Variants in UBXN4 observed in about 807,000 individuals in gnomAD.
UBXN4 encodes the protein UBX domain-containing protein 4.
In UBXN4, 35 loss-of-function variants were observed where a neutral mutation model predicts 66.2. That is an observed-to-expected ratio of 0.53 (90% CI 0.40 to 0.70). UBXN4 has a LOEUF of 0.70. Ranked by LOEUF, UBXN4 falls within the 30% of genes least tolerant of loss-of-function variation. UBXN4 has a pLI of 0.00. For synonymous variants in UBXN4, 203 were observed against 204.5 expected (o/e 0.99, Z 0.06); for missense variants, 533 against 599.8 (o/e 0.89, Z 1.16).
chr2:135,780,157 A>T, intron 11 of UBXN4, 26 bp from the exon 12 acceptor site: 1 of 1,610,680 alleles, frequency 6.2e-7, no homozygotes, highest in Non-Finnish European at 8.5e-7. Context: ...CGTAGTCTTT[A>T]TCTAGGTTTG....
intron 3 of UBXN4, chr2:135,753,859 C>A: frequency 2.2e-6 from 1 of 446,636 alleles, no homozygotes; most frequent in East Asian, 4.0e-5. Context: ...CAATATAGAT[C>A]AGTTGGGTTG....
Position 135,769,807 on chromosome 2 carries a change from G to T in UBXN4, c.641G>T (p.Arg214Ile). Residue 214 changes from arginine to isoleucine, a missense_variant, in exon 7 of 13, where the codon AGA (arginine) becomes ATA (isoleucine). Arg to Ile is a moderately conservative substitution (Grantham distance 97). Around this residue, in one of 2 missense-constraint regions of UBXN4, gnomAD observed 529 missense variants for 580.1 expected, o/e 0.91. Coordinates refer to ENST00000272638, the MANE Select transcript of UBXN4 (RefSeq NM_014607.4). ...CTTGAAGAAAGGAGAGAAGAGAAAA[G>T]AAAAGAGGAAGAACAGGTAAAGTTC... The part of the protein sequence containing the change: ...KKLEERREEK[R>I]KEEEQREIKK... 1 of 1,595,050 alleles carries T rather than the reference G, an allele frequency of 6.3e-7. No homozygotes were observed.
intron 1 of UBXN4, among the ~76,000 whole-genome samples, chr2:135,743,906 A>G (rs2077192472): frequency 6.6e-6 from 1 of 152,174 alleles, no homozygotes; most frequent in Non-Finnish European, 1.5e-5. Context: ...ACTGATGAGC[A>G]TGTATTACAT....
chr2:135,781,268 G>A (rs2077447650), intron 12 of UBXN4, among the ~76,000 whole-genome samples: 1 of 152,138 alleles, frequency 6.6e-6, no homozygotes, highest in Admixed American at 6.5e-5. Flanking sequence ...GCATGCAATG[G>A]TTAGCATAGT....
rs564911890 is a variant in UBXN4 at position 135,783,549 on chromosome 2, T to G, written c.*662T>G. On this transcript the variant is annotated 3_prime_UTR_variant, in exon 13 of 13. Coordinates refer to ENST00000272638, the MANE Select transcript of UBXN4 (RefSeq NM_014607.4). The stretch of plus-strand genomic sequence containing the variant: ...GTCTCTGGAAAGTAGCTGGCGAGGT[T>G]ACCTTAACTATCACTGAAGAAAGAA... 1.2e-4 allele frequency: 18 copies of G among 152,262 alleles called. No individual in the cohort carries two copies. Among genetic ancestry groups the G allele is most frequent in the Non-Finnish European group, 2.4e-4 (16 of 68,020 alleles). 9.4% of individuals were successfully genotyped at this position (152,262 alleles called of 1,614,324 possible). A position where few individuals can be genotyped will look rare whatever the true frequency, so the allele number is the denominator to read the frequency against.
At chr2:135,749,836 C>CT (rs1246959491) in intron 2 of UBXN4, among the ~76,000 whole-genome samples, 1 of 152,176 alleles carries the variant, frequency 6.6e-6, no homozygotes, top group African/African-American at 2.4e-5. Flanking sequence ...AGTATGTAGG[C>CT]TTCTCCTCCA....
chr2:135,780,405 C>T lies in UBXN4; in HGVS notation c.1388+20C>T, dbSNP rs1392295223. On this transcript the variant is annotated intron_variant, in intron 12 of 12. Transcript: ENST00000272638. ...AAAAAGGTATCTGTGTGTGTTTTCC[C>T]CATTTATAAAATATGTAAGTCATGC... 6.2e-7 allele frequency: 1 copy of T among 1,608,590 alleles called. No homozygotes were observed.
intron 2 of UBXN4, among the ~76,000 whole-genome samples, chr2:135,750,693 C>CG (rs1158810469): frequency 1.4e-5 from 2 of 146,270 alleles, no homozygotes; most frequent in South Asian, 4.3e-4. Context: ...TTAAGTATAT[C>CG]TTTTTTTTTT....
chr2:135,762,042 C>A, intron 6 of UBXN4, 131 bp downstream of exon 6: 1 of 882,322 alleles, frequency 1.1e-6, no homozygotes, highest in Non-Finnish European at 1.7e-6. Context: ...TTTTGATCAC[C>A]TAACTAATTT....
chr2:135,771,751 C>T (rs777620845), intron 8 of UBXN4, among the ~76,000 whole-genome samples: 3 of 152,084 alleles, frequency 2.0e-5, no homozygotes, highest in African/African-American at 4.8e-5. Context: ...TTAGTAGAGA[C>T]GGGATTTCAT....
chr2:135,772,204 C>A (rs1320903942), intron 8 of UBXN4, among the ~76,000 whole-genome samples: 2 of 152,044 alleles, frequency 1.3e-5, no homozygotes, highest in African/African-American at 2.4e-5. Context: ...CACCTGTAGT[C>A]CCAGCTACTC....
intron 9 of UBXN4, among the ~76,000 whole-genome samples, chr2:135,772,767 G>A (rs568346810): frequency 2.7e-5 from 4 of 150,370 alleles, no homozygotes; most frequent in South Asian, 4.2e-4. Flanking sequence ...AGCCGGGCGC[G>A]GTGGCTCACG....
intron 12 of UBXN4, among the ~76,000 whole-genome samples, chr2:135,782,251 A>T (rs2077454960): frequency 6.6e-6 from 1 of 152,194 alleles, no homozygotes; most frequent in African/African-American, 2.4e-5. Flanking sequence ...TTTTATCCTT[A>T]TACCTTTGTA....
intron 1 of UBXN4, among the ~76,000 whole-genome samples, chr2:135,743,387 A>G (rs550558926): frequency 1.2e-3 from 186 of 152,346 alleles, no homozygotes; most frequent in African/African-American, 4.4e-3. Flanking sequence ...AAATGACACT[A>G]TGCTTATTGT....
At chr2:135,775,308 G>A (rs1313993316) in intron 9 of UBXN4, among the ~76,000 whole-genome samples, 1 of 152,184 alleles carries the variant, frequency 6.6e-6, no homozygotes, top group Non-Finnish European at 1.5e-5. Flanking sequence ...TTATACAGCA[G>A]TTTATATCCA....
At chr2:135,776,819 C>G (rs1224609691) in intron 10 of UBXN4, among the ~76,000 whole-genome samples, 1 of 152,182 alleles carries the variant, frequency 6.6e-6, no homozygotes, top group Admixed American at 6.5e-5. Context: ...GTCTTGAACT[C>G]CTGGGCTCAA....
rs1210465461 is a variant in UBXN4 at position 135,782,721 on chromosome 2, TC to T, written c.1389-24del. The T allele has an allele frequency of 2.5e-6, 4 of 1,606,660 alleles. No individual in the cohort carries two copies. In the Admixed American group the frequency reaches 6.9e-5, roughly 28 times the overall value. On this transcript the variant is annotated intron_variant, in intron 12 of 12. Transcript: ENST00000272638. Reference sequence around the variant, plus strand: ...CTATTGTTTTTATTTTATGACATCTTCCCCTTGCTCCCTCTTTTTCGTATCA... The same window carrying T: ...CTATTGTTTTTATTTTATGACATCTTCCCTTGCTCCCTCTTTTTCGTATCA...
intron 6 of UBXN4, among the ~76,000 whole-genome samples, chr2:135,768,869 A>AT (rs1251591656): frequency 6.7e-6 from 1 of 148,562 alleles, no homozygotes; most frequent in Admixed American, 6.7e-5. Context: ...GCCCAGCCTG[A>AT]TTTTTTATTT....
In UBXN4 at chr2:135,761,898, A is replaced by T; in HGVS notation, c.589A>T (p.Ile197Phe). ...SDQRPAEDLN[I>F]RVERLTKKLE... ...TCAGAGACCTGCAGAGGACCTCAAC[A>T]TCCGAGTGGAAAGGTTTGCTCTTCT... Residue 197 changes from isoleucine to phenylalanine, a missense_variant, in exon 6 of 13, where the codon ATC (isoleucine) becomes TTC (phenylalanine). Physicochemically the swap from Ile to Phe is conservative, Grantham distance 21. This residue lies in a region of UBXN4 where 529 missense variants were observed against 580.1 expected (regional missense o/e 0.91). Coordinates refer to ENST00000272638, the MANE Select transcript of UBXN4 (RefSeq NM_014607.4). The T allele has an allele frequency of 6.2e-7, 1 of 1,612,148 alleles. No individual in the cohort carries two copies. Among genetic ancestry groups the T allele is most frequent in the East Asian group, 2.2e-5 (1 of 44,846 alleles).
Sources: gnomAD v4.1 joint callset for allele counts (sites outside exome capture counted in the v4.1 genomes callset) on GRCh38, gnomAD v4.1.1 for gene constraint, gnomAD v4.1.1 regional missense constraint, MANE v1.5 for transcripts, NCBI Gene and HGNC (gene_info 2026-07-23, HGNC 2026-07-21) for gene names.